COX7B2: variants seen among roughly 807,000 people sequenced by gnomAD.
The protein encoded by COX7B2 is cytochrome c oxidase subunit 7B2, also known as cytochrome c oxidase subunit 7B2, mitochondrial.
For synonymous variants in COX7B2, 37 were observed against 32.1 expected (o/e 1.15, Z -0.51); for missense variants, 109 against 95.9 (o/e 1.14, Z -0.57).
intron 2 of COX7B2, among the ~76,000 whole-genome samples, chr4:46,837,182 A>ATACAGCTGC (rs1373419256): frequency 1.3e-5 from 2 of 151,990 alleles, no homozygotes; most frequent in Non-Finnish European, 2.9e-5. Flanking sequence ...AGTTTAAGAA[A>ATACAGCTGC]TACAGCTGCT....
chr4:46,866,855 A>G (rs1052410653), intron 1 of COX7B2, among the ~76,000 whole-genome samples: 1 of 152,204 alleles, frequency 6.6e-6, no homozygotes. Flanking sequence ...GGATATATTA[A>G]TAACTCTGGA....
At chr4:46,837,660 T>A (rs936577624) in intron 2 of COX7B2, among the ~76,000 whole-genome samples, 2 of 151,874 alleles carry the variant, frequency 1.3e-5, no homozygotes, top group South Asian at 4.1e-4. Flanking sequence ...ATGGCTAGAA[T>A]TAAAAATTTT....
intron 2 of COX7B2, among the ~76,000 whole-genome samples, chr4:46,781,314 A>T (rs1717433860): frequency 1.3e-5 from 2 of 152,206 alleles, no homozygotes; most frequent in East Asian, 3.8e-4. Flanking sequence ...TACCCAAACT[A>T]AGTCAAACAG....
chr4:46,778,618 A>G (rs1297511526), intron 2 of COX7B2, among the ~76,000 whole-genome samples: 2 of 152,190 alleles, frequency 1.3e-5, no homozygotes, highest in Non-Finnish European at 2.9e-5. Flanking sequence ...ATTTGATGCT[A>G]ATGTGTGAGA....
At chr4:46,845,143 C>G (rs1348156956) in intron 1 of COX7B2, 129 bp from the exon 2 acceptor site, 2 of 151,928 alleles carry the variant, frequency 1.3e-5, no homozygotes, top group Admixed American at 6.6e-5. Flanking sequence ...TATTGTCATA[C>G]AAATGATATC....
chr4:46,753,646 G>C (rs961476863), intron 2 of COX7B2, among the ~76,000 whole-genome samples: 1 of 151,930 alleles, frequency 6.6e-6, no homozygotes, highest in Admixed American at 6.6e-5. Context: ...TCAGGACATG[G>C]GCATGGGCAA....
At chr4:46,761,733 A>G (rs12508418) in intron 2 of COX7B2, among the ~76,000 whole-genome samples, 52,190 of 151,798 alleles carry the variant, frequency 0.34, 9,179 homozygotes, top group South Asian at 0.47. Flanking sequence ...ATTGGTTTTT[A>G]TTCTGCCCTT....
intron 2 of COX7B2, among the ~76,000 whole-genome samples, chr4:46,797,653 T>TG (rs1206664635): frequency 6.6e-6 from 1 of 152,140 alleles, no homozygotes; most frequent in African/African-American, 2.4e-5. Flanking sequence ...TTCAAGGACT[T>TG]GAAGGATACA....
At chr4:46,759,952 A>T (rs1716048256) in intron 2 of COX7B2, among the ~76,000 whole-genome samples, 2 of 151,680 alleles carry the variant, frequency 1.3e-5, no homozygotes, top group Non-Finnish European at 2.9e-5. Flanking sequence ...TATAAGTCTT[A>T]TATAAGTTAT....
chr4:46,882,409 A>G (rs1288702977), intron 1 of COX7B2, among the ~76,000 whole-genome samples: 2 of 152,170 alleles, frequency 1.3e-5, no homozygotes, highest in African/African-American at 4.8e-5. Context: ...GTCTTCTACT[A>G]TTATTGTGTG....
At chr4:46,751,475 A>C (rs1290143946) in intron 2 of COX7B2, among the ~76,000 whole-genome samples, 3 of 152,178 alleles carry the variant, frequency 2.0e-5, no homozygotes, top group African/African-American at 7.2e-5. Flanking sequence ...AGAGCAAATG[A>C]AACAATATTT....
intron 1 of COX7B2, among the ~76,000 whole-genome samples, chr4:46,874,764 G>A (rs1487388445): frequency 6.6e-6 from 1 of 152,122 alleles, no homozygotes; most frequent in African/African-American, 2.4e-5. Context: ...TGCAAACTGG[G>A]TAGATGTTTT....
intron 2 of COX7B2, among the ~76,000 whole-genome samples, chr4:46,806,910 T>G (rs981669521): frequency 3.3e-5 from 5 of 152,064 alleles, no homozygotes; most frequent in Non-Finnish European, 7.4e-5. Flanking sequence ...TATTTATCCA[T>G]TCATCCAGCT....
chr4:46,791,547 C>A (rs1029442711), intron 2 of COX7B2, among the ~76,000 whole-genome samples: 4 of 152,112 alleles, frequency 2.6e-5, no homozygotes, highest in Non-Finnish European at 4.4e-5. Flanking sequence ...TAAATGCTCC[C>A]ATCCTTCTAA....
chr4:46,770,662 A>AG (rs1716824665), intron 2 of COX7B2, among the ~76,000 whole-genome samples: 1 of 68,954 alleles, frequency 1.5e-5, no homozygotes. Context: ...GAGAGACCAG[A>AG]AAAAAAAACA....
chr4:46,836,892 C>T (rs1167559262), intron 2 of COX7B2, among the ~76,000 whole-genome samples: 4 of 152,046 alleles, frequency 2.6e-5, no homozygotes, highest in East Asian at 3.9e-4. Context: ...TAAACTCATG[C>T]GATCACTGTC....
intron 2 of COX7B2, among the ~76,000 whole-genome samples, chr4:46,744,682 T>G (rs1714912317): frequency 6.6e-6 from 1 of 151,802 alleles, no homozygotes; most frequent in African/African-American, 2.4e-5. Context: ...TATATTTAGG[T>G]AAAAGTATAC....
intron 1 of COX7B2, among the ~76,000 whole-genome samples, chr4:46,877,706 C>G (rs1718431811): frequency 6.6e-6 from 1 of 151,966 alleles, no homozygotes; most frequent in Non-Finnish European, 1.5e-5. Context: ...ATAGGTATAC[C>G]AAATACCAAA....
intron 2 of COX7B2, among the ~76,000 whole-genome samples, chr4:46,824,556 C>T (rs1381039974): frequency 1.3e-5 from 2 of 150,924 alleles, no homozygotes; most frequent in Non-Finnish European, 3.0e-5. Context: ...AACAAAAAAA[C>T]ACTTAATCAT....
Sources: allele counts gnomAD v4.1 joint callset (sites outside exome capture counted in the v4.1 genomes callset), GRCh38; gene constraint gnomAD v4.1.1; transcripts MANE v1.5; gene names NCBI Gene and HGNC (gene_info 2026-07-23, HGNC 2026-07-21).